Variants in CADM2 observed in about 807,000 individuals in gnomAD.
CADM2 encodes cell adhesion molecule 2.
In CADM2, 12 loss-of-function variants were observed where a neutral mutation model predicts 49.8. That is an observed-to-expected ratio of 0.24 (90% CI 0.15 to 0.39). CADM2 has a LOEUF of 0.39. Ranked by LOEUF, CADM2 falls within the 10% of genes least tolerant of loss-of-function variation. The pLI, the probability that CADM2 is intolerant of heterozygous loss-of-function variation, is 1.00. For synonymous variants in CADM2, 214 were observed against 175.4 expected (o/e 1.22, Z -1.74); for missense variants, 378 against 492.3 (o/e 0.77, Z 2.20).
intron 1 of CADM2, among the ~76,000 whole-genome samples, chr3:85,051,456 A>G (rs1559635879): frequency 1.3e-5 from 2 of 152,154 alleles, no homozygotes; most frequent in African/African-American, 2.4e-5. Flanking sequence ...ATTTAAAAAT[A>G]TTTTTATCAA....
intron 1 of CADM2, among the ~76,000 whole-genome samples, chr3:85,465,719 T>A (rs2038462589): frequency 6.6e-6 from 1 of 152,158 alleles, no homozygotes; most frequent in African/African-American, 2.4e-5. Flanking sequence ...GTGAGAGGAC[T>A]AGTCAAATGC....
At chr3:85,946,382 C>T (rs1419093699) in intron 7 of CADM2, among the ~76,000 whole-genome samples, 2 of 151,684 alleles carry the variant, frequency 1.3e-5, no homozygotes, top group Non-Finnish European at 2.9e-5. Context: ...TCAATGCCAT[C>T]CCCATCAAGC....
chr3:85,434,052 A>C (rs1266654181), intron 1 of CADM2, among the ~76,000 whole-genome samples: 1 of 152,014 alleles, frequency 6.6e-6, no homozygotes, highest in African/African-American at 2.4e-5. Context: ...TGAGTCGATT[A>C]AGTTTAGATT....
intron 2 of CADM2, among the ~76,000 whole-genome samples, chr3:85,742,233 G>A (rs73142855): frequency 0.21 from 32,217 of 152,140 alleles, 4,210 homozygotes; most frequent in Non-Finnish European, 0.29. Flanking sequence ...TCCTATGCCA[G>A]GTTGCAGGCA....
At chr3:85,748,614 T>C (rs2068727426) in intron 2 of CADM2, among the ~76,000 whole-genome samples, 1 of 152,070 alleles carries the variant, frequency 6.6e-6, no homozygotes, top group Non-Finnish European at 1.5e-5. Flanking sequence ...TCACATCATC[T>C]GAAAAACTTT....
At chr3:86,056,803 T>C (rs1738043346) in intron 8 of CADM2, among the ~76,000 whole-genome samples, 2 of 152,164 alleles carry the variant, frequency 1.3e-5, no homozygotes, top group South Asian at 4.1e-4. Flanking sequence ...CAAAACGTTG[T>C]GAATAGGAAA....
Position 86,037,440 on chromosome 3 carries a change from AG to A in CADM2, c.971-28159del, listed in dbSNP as rs372894073. Among the ~76,000 whole-genome samples, 1,258 of 152,064 alleles carry A rather than the reference AG, an allele frequency of 8.3e-3. 18 individuals carry two copies. Among genetic ancestry groups the A allele is most frequent in the African/African-American group, 0.027 (1,107 of 41,368 alleles). ...GAGATGACAGCAGTGACTTTAAGAG[AG>A]GGGGGCAGGGCAAGCACTAAACTAT... On this transcript the variant is annotated intron_variant, in intron 8 of 9. Transcript: ENST00000383699.
intron 1 of CADM2, among the ~76,000 whole-genome samples, chr3:85,425,471 T>C (rs1325067036): frequency 4.6e-5 from 7 of 152,328 alleles, no homozygotes; most frequent in African/African-American, 1.2e-4. Context: ...ACATATCCAT[T>C]ACCTCAAATA....
At chr3:85,208,373 A>G (rs2107762329) in intron 1 of CADM2, among the ~76,000 whole-genome samples, 1 of 152,330 alleles carries the variant, frequency 6.6e-6, no homozygotes, top group Non-Finnish European at 1.5e-5. Context: ...ACTTAGTCAG[A>G]TAAGACTTGC....
At chr3:85,757,108 A>G (rs952737883) in intron 2 of CADM2, among the ~76,000 whole-genome samples, 5 of 152,112 alleles carry the variant, frequency 3.3e-5, no homozygotes, top group Non-Finnish European at 5.9e-5. Context: ...GGCCTTATAA[A>G]ATATTAATAT....
At chr3:85,287,474 A>C (rs2043662303) in intron 1 of CADM2, among the ~76,000 whole-genome samples, 1 of 152,114 alleles carries the variant, frequency 6.6e-6, no homozygotes, top group Non-Finnish European at 1.5e-5. Context: ...CAGCTTGCTA[A>C]TTATGATAAT....
At chr3:84,965,025 AT>A (rs974590522) in intron 1 of CADM2, among the ~76,000 whole-genome samples, 13 of 151,984 alleles carry the variant, frequency 8.6e-5, no homozygotes, top group Non-Finnish European at 1.5e-4. Flanking sequence ...TTTTCCTACC[AT>A]TTTTTTCTTT....
chr3:85,897,311 G>A (rs1332096432), intron 5 of CADM2, among the ~76,000 whole-genome samples: 9 of 118,878 alleles, frequency 7.6e-5, no homozygotes, highest in South Asian at 2.9e-4. Flanking sequence ...CGCCCAGGCC[G>A]GACTGCGGAC....
At chr3:86,002,614 C>T (rs1181857119) in intron 8 of CADM2, among the ~76,000 whole-genome samples, 1 of 152,062 alleles carries the variant, frequency 6.6e-6, no homozygotes, top group Admixed American at 6.6e-5. Flanking sequence ...AATTAAATTC[C>T]CTAAGTTTAA....
chr3:85,059,748 G>A (rs1370462797), intron 1 of CADM2, among the ~76,000 whole-genome samples: 1 of 152,130 alleles, frequency 6.6e-6, no homozygotes, highest in African/African-American at 2.4e-5. Flanking sequence ...TGTGAGACAT[G>A]TTTTTCATCT....
chr3:85,175,919 C>CTTTTTTTT lies in CADM2; in HGVS notation c.61+216271_61+216278dup, dbSNP rs11329456. Among the ~76,000 whole-genome samples the CTTTTTTTT allele has an allele frequency of 7.5e-3, 572 of 76,254 alleles. 48 individuals carry two copies. The highest frequency in any genetic ancestry group is 0.019 in the African/African-American group (308 of 16,422). 50.0% of individuals were successfully genotyped at this position (76,254 alleles called of 152,430 possible). ...CAGTTTATCTGAGTTATGTCCTAAT[C>CTTTTTTTT]TTTTTTTTTTTTTTTTTTTTTTTTT... is the stretch of plus-strand genomic sequence containing the variant. On this transcript the variant is annotated intron_variant, in intron 1 of 9. Transcript: ENST00000383699.
chr3:85,726,559 G>A lies in CADM2; in HGVS notation c.88+11G>A, dbSNP rs377372238. 7 of 1,607,130 alleles carry A rather than the reference G, an allele frequency of 4.4e-6. No homozygotes were observed. In the African/African-American group the frequency reaches 6.7e-5, roughly 15 times the overall value. ...AGAATAAAGTTAAAGGTGAGCTCCTGTTTATTCTGCATGAGTCATCATCAT... is the reference window on the plus strand; with the variant it reads ...AGAATAAAGTTAAAGGTGAGCTCCTATTTATTCTGCATGAGTCATCATCAT... On this transcript the variant is annotated intron_variant, in intron 2 of 9. Coordinates refer to ENST00000383699, the MANE Select transcript of CADM2 (RefSeq NM_001167675.2).
At chr3:85,628,276 C>G (rs1307492377) in intron 1 of CADM2, among the ~76,000 whole-genome samples, 2 of 151,880 alleles carry the variant, frequency 1.3e-5, no homozygotes, top group East Asian at 3.9e-4. Context: ...ACTTGCAGCT[C>G]TGTTTAGTCA....
At chr3:86,060,749 T>C (rs1161393828) in intron 8 of CADM2, among the ~76,000 whole-genome samples, 4 of 152,042 alleles carry the variant, frequency 2.6e-5, no homozygotes, top group African/African-American at 4.8e-5. Flanking sequence ...TTTTGGAGGC[T>C]GAGGTGGGCA....
Sources: gnomAD v4.1 joint callset for allele counts (sites outside exome capture counted in the v4.1 genomes callset) on GRCh38, gnomAD v4.1.1 for gene constraint, MANE v1.5 for transcripts, NCBI Gene and HGNC (gene_info 2026-07-23, HGNC 2026-07-21) for gene names.